The following EXOC6B variants were observed in gnomAD, a reference collection of about 807,000 sequenced individuals.
The protein encoded by EXOC6B is exocyst complex component 6B, also known as SEC15 homolog B.
EXOC6B carries 54 observed loss-of-function variants against 113.5 expected under a neutral mutation model. That is an observed-to-expected ratio of 0.48 (90% CI 0.38 to 0.60). EXOC6B has a LOEUF of 0.60. Ranked by LOEUF, EXOC6B falls within the 20% of genes least tolerant of loss-of-function variation. The pLI is 0.00. For synonymous variants in EXOC6B, 357 were observed against 339.0 expected, an observed-to-expected ratio of 1.05 and a Z score of -0.58; for missense variants, 797 against 977.5, an observed-to-expected ratio of 0.82 and a Z score of 2.46.
chr2:72,451,410 A>G lies in EXOC6B; in HGVS notation c.1980+13750T>C, dbSNP rs530016362. On this transcript the variant is annotated intron_variant, in intron 18 of 21. Transcript: ENST00000272427. ...AACTTAAGTAAAAACAAAAAATAGT[A>G]GGCCAATAAAACAAAACACATAGAC... Among the ~76,000 whole-genome samples, 3 of 152,282 alleles carry G rather than the reference A, an allele frequency of 2.0e-5. No individual in the cohort carries two copies. In the East Asian group the frequency reaches 5.8e-4, roughly 29 times the overall value.
intron 18 of EXOC6B, among the ~76,000 whole-genome samples, chr2:72,460,897 A>G (rs1697601030): frequency 6.6e-6 from 1 of 151,590 alleles, no homozygotes; most frequent in Non-Finnish European, 1.5e-5. Context: ...TGCTATAAAG[A>G]CACATGCACA....
chr2:72,328,230 C>G (rs1417699615), intron 20 of EXOC6B, among the ~76,000 whole-genome samples: 1 of 152,038 alleles, frequency 6.6e-6, no homozygotes, highest in Non-Finnish European at 1.5e-5. Context: ...AACTCTGCTT[C>G]CAAAAACCAA....
intron 20 of EXOC6B, among the ~76,000 whole-genome samples, chr2:72,282,860 A>C (rs1489484942): frequency 2.0e-5 from 3 of 152,172 alleles, no homozygotes; most frequent in African/African-American, 7.2e-5. Flanking sequence ...CAGAAGATGC[A>C]ACAATCCTAA....
At chr2:72,289,864 G>T (rs1685677011) in intron 20 of EXOC6B, among the ~76,000 whole-genome samples, 1 of 152,098 alleles carries the variant, frequency 6.6e-6, no homozygotes, top group Non-Finnish European at 1.5e-5. Flanking sequence ...TTCAGCCTGG[G>T]TGACAAAGTG....
chr2:72,369,537 A>G (rs1690869094), intron 19 of EXOC6B, among the ~76,000 whole-genome samples: 1 of 152,182 alleles, frequency 6.6e-6, no homozygotes, highest in Admixed American at 6.5e-5. Context: ...GAAGCAAAAA[A>G]GAGCCCGCAT....
chr2:72,347,351 A>G (rs1002189947), intron 19 of EXOC6B, among the ~76,000 whole-genome samples: 1 of 152,190 alleles, frequency 6.6e-6, no homozygotes, highest in South Asian at 2.1e-4. Flanking sequence ...TATTTTTACT[A>G]TGCTTTTAAG....
At chr2:72,380,132 CT>C (rs1265951341) in intron 18 of EXOC6B, among the ~76,000 whole-genome samples, 1 of 152,130 alleles carries the variant, frequency 6.6e-6, no homozygotes, top group Non-Finnish European at 1.5e-5. Flanking sequence ...TCAAGAATTA[CT>C]TCTTTTCTAA....
chr2:72,718,992 T>A (rs1055621851), intron 5 of EXOC6B, among the ~76,000 whole-genome samples: 1 of 152,172 alleles, frequency 6.6e-6, no homozygotes, highest in Non-Finnish European at 1.5e-5. Flanking sequence ...AAAACAAATG[T>A]AAACTATCCA....
At chr2:72,416,402 TAAAC>T (rs1478501350) in intron 18 of EXOC6B, among the ~76,000 whole-genome samples, 2 of 152,212 alleles carry the variant, frequency 1.3e-5, no homozygotes, top group African/African-American at 4.8e-5. Flanking sequence ...TGGAGACTAA[TAAAC>T]TAAAAAGACT....
At chr2:72,422,236 A>G (rs954408752) in intron 18 of EXOC6B, among the ~76,000 whole-genome samples, 12 of 152,226 alleles carry the variant, frequency 7.9e-5, no homozygotes, top group African/African-American at 2.7e-4. Context: ...ACTGGCAGAC[A>G]GCTCCACCTG....
At chr2:72,186,759 G>T (rs1431705398) in intron 20 of EXOC6B, among the ~76,000 whole-genome samples, 2 of 152,190 alleles carry the variant, frequency 1.3e-5, no homozygotes, top group Non-Finnish European at 2.9e-5. Flanking sequence ...TAGTATTTCA[G>T]ATTTATTGCT....
intron 7 of EXOC6B, among the ~76,000 whole-genome samples, chr2:72,566,949 C>T (rs756005961): frequency 3.3e-5 from 5 of 151,784 alleles, no homozygotes; most frequent in South Asian, 2.1e-4. Context: ...TTAATAATTA[C>T]GTTGCTTGAG....
At chr2:72,513,686 A>T in intron 10 of EXOC6B, among the ~76,000 whole-genome samples, 1 of 152,036 alleles carries the variant, frequency 6.6e-6, no homozygotes, top group African/African-American at 2.4e-5. Context: ...TATTTTAAGA[A>T]TCCAATGCAC....
intron 8 of EXOC6B, among the ~76,000 whole-genome samples, chr2:72,550,050 G>C (rs751901181): frequency 5.3e-5 from 8 of 152,072 alleles, no homozygotes; most frequent in Non-Finnish European, 1.0e-4. Flanking sequence ...GTAGAGACAA[G>C]CATTAGAATG....
chr2:72,728,819 A>C (rs1433190920), intron 5 of EXOC6B, among the ~76,000 whole-genome samples: 1 of 152,212 alleles, frequency 6.6e-6, no homozygotes, highest in Non-Finnish European at 1.5e-5. Flanking sequence ...CAAAGGAAGC[A>C]GCTAGAAATA....
At chr2:72,367,362 A>G (rs1690693271) in intron 19 of EXOC6B, among the ~76,000 whole-genome samples, 1 of 152,166 alleles carries the variant, frequency 6.6e-6, no homozygotes, top group African/African-American at 2.4e-5. Flanking sequence ...AAGAAGAAAA[A>G]TGAACAAAGT....
At chr2:72,344,023 C>G (rs1689174806) in intron 19 of EXOC6B, among the ~76,000 whole-genome samples, 1 of 152,168 alleles carries the variant, frequency 6.6e-6, no homozygotes, top group South Asian at 2.1e-4. Context: ...AATATTCTCT[C>G]TATCCATTTC....
chr2:72,797,836 T>A (rs538691297), intron 1 of EXOC6B, among the ~76,000 whole-genome samples: 33 of 141,800 alleles, frequency 2.3e-4, no homozygotes, highest in Non-Finnish European at 4.8e-4. Context: ...ATTAATTAAT[T>A]AATAATAATA....
At chr2:72,742,815 C>T (rs1220658059) in intron 1 of EXOC6B, among the ~76,000 whole-genome samples, 2 of 152,188 alleles carry the variant, frequency 1.3e-5, no homozygotes. Context: ...TTTAAAATAT[C>T]ATCTCTGTAG....
Sources: allele counts gnomAD v4.1 joint callset (sites outside exome capture counted in the v4.1 genomes callset), GRCh38; gene constraint gnomAD v4.1.1; transcripts MANE v1.5; gene names NCBI Gene and HGNC (gene_info 2026-07-23, HGNC 2026-07-21).